TEX15: variants seen among roughly 807,000 people sequenced by gnomAD.
TEX15 encodes testis expressed 15, meiosis and synapsis associated.
In TEX15, 171 loss-of-function variants were observed where a neutral mutation model predicts 237.3. The observed-to-expected ratio is 0.72, with a 90% CI of 0.64 to 0.82. TEX15 has a LOEUF of 0.82. Ranked by LOEUF, TEX15 falls within the 40% of genes least tolerant of loss-of-function variation. The pLI is 0.00. For missense variants in TEX15, 3,750 were observed against 3,646.5 expected (o/e 1.03, Z -0.73); for synonymous variants, 1,338 against 1,269.8 (o/e 1.05, Z -1.14).
At chr8:30,838,199 C>T (rs1807355971) in intron 9 of TEX15, 138 bp from the exon 10 acceptor site, 2 of 728,928 alleles carry the variant, frequency 2.7e-6, no homozygotes, top group Non-Finnish European at 4.1e-6. Flanking sequence ...TGGCACTATA[C>T]AAGTTAACAT....
Position 30,847,948 on chromosome 8 carries a change from G to A in TEX15, c.2219C>T (p.Ala740Val), listed in dbSNP as rs1417289358. The A allele has an allele frequency of 3.7e-6, 6 of 1,613,746 alleles. No homozygotes were observed. Among genetic ancestry groups the A allele is most frequent in the Non-Finnish European group, 4.2e-6 (5 of 1,179,938 alleles). ...CAGTTCCATTAGCTTTTGAGCAATG[G>A]CTAAACTTGTATGAATGTTACCCTC... ...EYEGNIHTSLAIAQKLMELKL... is the reference protein window; with the variant it reads ...EYEGNIHTSLVIAQKLMELKL... Residue 740 changes from alanine (A) to valine (V), a missense_variant, in exon 8 of 11, where the codon GCC (alanine) becomes GTC (valine). Coordinates refer to ENST00000643185, the MANE Select transcript of TEX15 (RefSeq NM_001350162.2).
intron 3 of TEX15, among the ~76,000 whole-genome samples, chr8:30,878,096 C>CTTTTTTTTTTTTTTTT (rs36096573): frequency 8.5e-6 from 1 of 118,214 alleles, no homozygotes; most frequent in African/African-American, 3.3e-5. Flanking sequence ...GTAAAGATTG[C>CTTTTTTTTTTTTTTTT]TTTTTTTTTT....
At chr8:30,899,192 A>G (rs914164663) in intron 1 of TEX15, among the ~76,000 whole-genome samples, 1 of 152,212 alleles carries the variant, frequency 6.6e-6, no homozygotes, top group East Asian at 1.9e-4. Flanking sequence ...TTTTACATAC[A>G]GCACAAAACA....
rs747275432 is a variant in TEX15 at position 30,847,093 on chromosome 8, C to A, written c.3074G>T (p.Arg1025Met). ...CGTATCAATTTCACAATCAGAAACC[C>A]TATGTTTTACTAACAAACCAAAATC... The part of the protein sequence containing the change: ...SPDFGLLVKH[R>M]VSDCEIDTDK... Residue 1025 changes from arginine to methionine, a missense_variant, in exon 8 of 11, where the codon AGG becomes ATG. Coordinates refer to ENST00000643185, the MANE Select transcript of TEX15 (RefSeq NM_001350162.2). 6.2e-7 allele frequency: 1 copy of A among 1,613,524 alleles called. No individual in the cohort carries two copies. The highest frequency in any genetic ancestry group is 1.7e-5 in the Admixed American group (1 of 59,978).
At chr8:30,839,009 T>C (rs1418681347) in intron 9 of TEX15, among the ~76,000 whole-genome samples, 1 of 151,716 alleles carries the variant, frequency 6.6e-6, no homozygotes, top group South Asian at 2.1e-4. Context: ...AGAGATAGTG[T>C]TTCACCATGT....
intron 3 of TEX15, among the ~76,000 whole-genome samples, chr8:30,885,419 AG>A (rs1355890668): frequency 3.9e-5 from 6 of 152,148 alleles, no homozygotes; most frequent in Non-Finnish European, 8.8e-5. Context: ...CATCCATGTA[AG>A]ATGTGACTTG....
At position 30,837,542 on chromosome 8, in the gene TEX15, T is replaced by G. The variant is rs201226792; in HGVS notation, c.8742A>C (p.Thr2914=). The G allele has an allele frequency of 6.2e-7, 1 of 1,613,984 alleles. No homozygotes were observed. The highest frequency in any genetic ancestry group is 2.2e-5 in the East Asian group (1 of 44,872). The change falls in exon 10 of 11, where the codon ACA becomes ACC. Residue 2914 remains threonine (T), a synonymous_variant. Transcript: ENST00000643185. ...DVHPDLEMND[T]VFELQDNDIV... is the part of the protein sequence containing the mutation. ...TATCATTATCTTGAAGTTCAAAGACTGTGTCATTCATTTCTAGATCAGGAT... is the reference window on the plus strand; with the variant it reads ...TATCATTATCTTGAAGTTCAAAGACGGTGTCATTCATTTCTAGATCAGGAT...
intron 2 of TEX15, among the ~76,000 whole-genome samples, chr8:30,895,704 CAG>C: frequency 1.8e-5 from 1 of 55,356 alleles, no homozygotes; most frequent in Middle Eastern, 0.017. Context: ...TTTTTTTGAG[CAG>C]AGTCTCACTG....
chr8:30,844,185 C>T lies in TEX15; in HGVS notation c.5982G>A (p.Thr1994=), dbSNP rs749905158. The T allele has an allele frequency of 3.8e-5, 62 of 1,612,268 alleles. No individual in the cohort carries two copies. In the East Asian group the frequency reaches 1.3e-3, roughly 34 times the overall value. ...TTTGAGATAGATTAGCTATAAGGGC[C>T]GTATGATTAGCTGAGCAATGTTTTT... ...FKEKHCSANH[T]ALIANLSQIL... Residue 1994 remains threonine, a synonymous_variant, in exon 8 of 11, where the codon ACG becomes ACA. Coordinates refer to ENST00000643185, the MANE Select transcript of TEX15 (RefSeq NM_001350162.2).
Position 30,848,077 on chromosome 8 carries a change from G to A in TEX15, c.2090C>T (p.Thr697Ile). The A allele has an allele frequency of 6.2e-7, 1 of 1,612,462 alleles. No individual in the cohort carries two copies. Among genetic ancestry groups the A allele is most frequent in the Non-Finnish European group, 8.5e-7 (1 of 1,179,434 alleles). ...ELEITKSSTS[T>I]IKDKDELDHL... is the part of the protein sequence containing the mutation. ...ATCTAGTTCATCCTTATCCTTTATG[G>A]TAGATGTAGAAGATTTTGTTATTTC... The change falls in exon 8 of 11, where the codon ACC (threonine) becomes ATC (isoleucine). Residue 697 changes from threonine to isoleucine, a missense_variant. Coordinates refer to ENST00000643185, the MANE Select transcript of TEX15 (RefSeq NM_001350162.2).
intron 4 of TEX15, among the ~76,000 whole-genome samples, chr8:30,869,992 G>T (rs1808257801): frequency 6.6e-6 from 1 of 151,830 alleles, no homozygotes; most frequent in Non-Finnish European, 1.5e-5. Context: ...TTTTTCTGCA[G>T]CAATACTAAT....
chr8:30,865,605 C>A (rs1195785823), intron 5 of TEX15, among the ~76,000 whole-genome samples: 3 of 152,020 alleles, frequency 2.0e-5, no homozygotes, highest in Non-Finnish European at 4.4e-5. Flanking sequence ...TTCATCATGA[C>A]CAAGTGGGAT....
intron 5 of TEX15, 36 bp downstream of exon 5, chr8:30,867,229 T>C (rs1260904881): frequency 9.9e-7 from 1 of 1,014,724 alleles, no homozygotes; most frequent in East Asian, 2.6e-5. Flanking sequence ...CAAAGCAAAC[T>C]GTCCATATAC....
chr8:30,889,008 A>G (rs1236592394), intron 2 of TEX15, among the ~76,000 whole-genome samples: 1 of 152,232 alleles, frequency 6.6e-6, no homozygotes, highest in Non-Finnish European at 1.5e-5. Flanking sequence ...CTCGCAGTTT[A>G]GTAAGGGGAA....
chr8:30,896,595 TTGA>T (rs1169040196), intron 2 of TEX15, among the ~76,000 whole-genome samples: 5 of 151,554 alleles, frequency 3.3e-5, no homozygotes, highest in African/African-American at 1.2e-4. Context: ...CCCCATTCTG[TTGA>T]TATTTGTTTT....
In TEX15 at chr8:30,846,871, C is replaced by A. The variant is rs748586725; in HGVS notation, c.3296G>T (p.Arg1099Leu). 3 of 1,613,842 alleles carry A rather than the reference C, an allele frequency of 1.9e-6. No homozygotes were observed. The highest frequency in any genetic ancestry group is 2.2e-5 in the South Asian group (2 of 91,074). ...FVTSYKALKS[R>L]ISWEGLLALD... is the part of the protein sequence containing the mutation. ...TGCTAACAGACCTTCCCAACTGATA[C>A]GAGACTTCAGAGCCTTATATGAGGT... is the stretch of plus-strand genomic sequence containing the variant. Residue 1099 changes from arginine to leucine, a missense_variant, in exon 8 of 11, where the codon CGT becomes CTT. Transcript: ENST00000643185.
intron 2 of TEX15, among the ~76,000 whole-genome samples, chr8:30,897,564 A>C (rs1808930071): frequency 1.3e-5 from 2 of 152,192 alleles, no homozygotes; most frequent in African/African-American, 4.8e-5. Context: ...TCAACCAAAA[A>C]TCATTTAAAA....
In TEX15 at chr8:30,887,193, G is replaced by C. The variant is rs1381631013; in HGVS notation, c.110C>G (p.Pro37Arg). The C allele has an allele frequency of 3.3e-6, 5 of 1,534,660 alleles. No homozygotes were observed. The highest frequency in any genetic ancestry group is 4.9e-5 in the East Asian group (2 of 40,872). ...TTTCTCAGCTGTCCTCCTGATCTTAGGAATGGTGAATTTCTTCAAAGGATT... is the reference window on the plus strand; with the variant it reads ...TTTCTCAGCTGTCCTCCTGATCTTACGAATGGTGAATTTCTTCAAAGGATT... ...EVNPLKKFTIPKIRRTAEKVY... is the reference protein window; with the variant it reads ...EVNPLKKFTIRKIRRTAEKVY... Residue 37 changes from proline (P) to arginine (R), a missense_variant, in exon 3 of 11, where the codon CCT (proline) becomes CGT (arginine). Pro to Arg is a moderately radical substitution (Grantham distance 103). Transcript: ENST00000643185.
chr8:30,891,567 T>C (rs372206988), intron 2 of TEX15, among the ~76,000 whole-genome samples: 1 of 151,704 alleles, frequency 6.6e-6, no homozygotes, highest in African/African-American at 2.4e-5. Flanking sequence ...GCAACCTCTG[T>C]CTCCTGGGTT....
Sources: gnomAD v4.1 joint callset for allele counts (sites outside exome capture counted in the v4.1 genomes callset) on GRCh38, gnomAD v4.1.1 for gene constraint, MANE v1.5 for transcripts, NCBI Gene and HGNC (gene_info 2026-07-23, HGNC 2026-07-21) for gene names.